The following PRDM15 variants were observed in gnomAD, a reference collection of about 807,000 sequenced individuals.
PRDM15 encodes PR domain zinc finger protein 15.
A neutral mutation model predicts 128.6 loss-of-function variants in PRDM15; 64 were observed. The observed-to-expected ratio is 0.50, with a 90% CI of 0.41 to 0.61. PRDM15 has a LOEUF of 0.61. Ranked by LOEUF, PRDM15 falls within the 20% of genes least tolerant of loss-of-function variation. The probability of loss-of-function intolerance (pLI) is 0.00; values close to 1 mark genes in which losing one functional copy is unlikely to be tolerated. For missense variants in PRDM15, 1,242 were observed against 1,569.1 expected, an observed-to-expected ratio of 0.79 and a Z score of 3.52; for synonymous variants, 615 against 621.8, an observed-to-expected ratio of 0.99 and a Z score of 0.16.
At chr21:41,867,610 G>A (rs550319345) in intron 1 of PRDM15, among the ~76,000 whole-genome samples, 5 of 152,288 alleles carry the variant, frequency 3.3e-5, no homozygotes, top group African/African-American at 4.8e-5. Context: ...TTGAAAAACC[G>A]TTTTGAGGAT....
At position 41,828,429 on chromosome 21, in the gene PRDM15, G is replaced by A; in HGVS notation, c.1367-96C>T. On this transcript the variant is annotated intron_variant, in intron 11 of 23. Coordinates refer to ENST00000398548, the MANE Select transcript of PRDM15 (RefSeq NM_001040424.3). This position sits in a 1 kb window ranked among gnomAD's most constrained non-coding sequence, Gnocchi z 5.7. ...GCCTGAACGTCAATAAAGCGCGGGT[G>A]ACGGGCATGAGAGTCACGGGGATGC... 1.5e-6 allele frequency: 2 copies of A among 1,309,878 alleles called. No individual in the cohort carries two copies. The highest frequency in any genetic ancestry group is 2.2e-6 in the Non-Finnish European group (2 of 920,966). The allele number at this position is 1,309,878 out of a possible 1,614,324, so 81.1% of individuals were successfully genotyped here.
rs1479809630 is a variant in PRDM15 at position 41,799,512 on chromosome 21, G to T, written c.*1728C>A. ...TGAGAGCTAGGCGCGAGTGATGGTG[G>T]GTAAGGTGAGGAGGTGAGCCCCACA... On this transcript the variant is annotated 3_prime_UTR_variant, in exon 24 of 24. Coordinates refer to ENST00000398548, the MANE Select transcript of PRDM15 (RefSeq NM_001040424.3). 6.6e-6 allele frequency: 1 copy of T among 152,194 alleles called. No homozygotes were observed. Among genetic ancestry groups the T allele is most frequent in the Admixed American group, 6.5e-5 (1 of 15,278 alleles). The allele number at this position is 152,194 out of a possible 1,614,324, so 9.4% of individuals were successfully genotyped here. A position where few individuals can be genotyped will look rare whatever the true frequency, so the allele number is the denominator to read the frequency against.
intron 3 of PRDM15, among the ~76,000 whole-genome samples, chr21:41,858,748 C>G (rs564139169): frequency 6.6e-6 from 1 of 151,200 alleles, no homozygotes; most frequent in East Asian, 2.0e-4. Flanking sequence ...CCTGAGGGTT[C>G]TGGGGAAGAG....
At chr21:41,841,711 T>C (rs79421950) in intron 6 of PRDM15, among the ~76,000 whole-genome samples, 2,330 of 152,350 alleles carry the variant, frequency 0.015, 63 homozygotes, top group East Asian at 0.13. Flanking sequence ...TATACTCTAC[T>C]TGTTAGATGC....
chr21:41,819,471 CGCCACA>C, intron 18 of PRDM15, 105 bp downstream of exon 18: 1 of 694,350 alleles, frequency 1.4e-6, no homozygotes, highest in Non-Finnish European at 2.2e-6. Context: ...CCCCCGCCCC[CGCCACA>C]CCCACCTTCC....
At chr21:41,822,106 AG>A in intron 14 of PRDM15, 69 bp from the exon 15 acceptor site, 1 of 1,595,432 alleles carries the variant, frequency 6.3e-7, no homozygotes, top group African/African-American at 1.3e-5. Context: ...TCTACACCGC[AG>A]GGACGACCAA....
chr21:41,836,518 C>A lies in PRDM15; in HGVS notation c.1133G>T (p.Ser378Ile). ...HKRVYQCNIC[S>I]KIFQNSSNLS... ...GTTGCTGCTGTTCTGGAAGATCTTG[C>A]TGCAGATATTGCACTGGTAAACCCG... The change falls in exon 9 of 24, where the codon AGC becomes ATC. Residue 378 changes from serine (S) to isoleucine (I), a missense_variant. Ser to Ile is a moderately radical substitution (Grantham distance 142). Around this residue, in one of 3 missense-constraint regions of PRDM15, gnomAD observed 612 missense variants for 717.0 expected, o/e 0.85. Coordinates refer to ENST00000398548, the MANE Select transcript of PRDM15 (RefSeq NM_001040424.3). 1.2e-6 allele frequency: 2 copies of A among 1,612,568 alleles called. No individual in the cohort carries two copies. Among genetic ancestry groups the A allele is most frequent in the Non-Finnish European group, 1.7e-6 (2 of 1,179,936 alleles).
Position 41,867,930 on chromosome 21 carries a change from G to A in PRDM15, c.-9-7558C>T, listed in dbSNP as rs566523834. 1.6e-3 allele frequency among the ~76,000 whole-genome samples: 239 copies of A among 151,966 alleles called. 3 individuals carry two copies. Among genetic ancestry groups the A allele is most frequent in the African/African-American group, 5.5e-3 (226 of 41,428 alleles). ...AAATTAGCCAGGTGTGGTGGTGGGC[G>A]CCTGTAATCCCAGCTACTTGGGAGG... On this transcript the variant is annotated intron_variant, in intron 1 of 23. Transcript: ENST00000398548.
chr21:41,828,062 A>G lies in PRDM15; in HGVS notation c.1534+104T>C, dbSNP rs28655031. The G allele has an allele frequency of 0.77, 930,277 of 1,212,684 alleles. 358,656 individuals carry two copies. Among genetic ancestry groups the G allele is most frequent in the Non-Finnish European group, 0.79 (663,902 of 845,050 alleles). The allele number at this position is 1,212,684 out of a possible 1,614,324, so 75.1% of individuals were successfully genotyped here. ...GTTTCCAGGCAAAGGAGCAGGCGGC[A>G]CCGAACTGCTCCCCAAAGGCCCTGC... is the stretch of plus-strand genomic sequence containing the variant. On this transcript the variant is annotated intron_variant, in intron 12 of 23. Coordinates refer to ENST00000398548, the MANE Select transcript of PRDM15 (RefSeq NM_001040424.3). This position sits in a 1 kb window ranked among gnomAD's most constrained non-coding sequence, Gnocchi z 5.7.
intron 1 of PRDM15, among the ~76,000 whole-genome samples, chr21:41,864,980 TC>T (rs1468012307): frequency 1.4e-5 from 2 of 143,510 alleles, no homozygotes; most frequent in Non-Finnish European, 3.0e-5. Flanking sequence ...GCTGGCCCTC[TC>T]CCCAGCCCTC....
chr21:41,873,981 G>A (rs1475137369), intron 1 of PRDM15, among the ~76,000 whole-genome samples: 1 of 151,742 alleles, frequency 6.6e-6, no homozygotes, highest in African/African-American at 2.4e-5. Context: ...AGGAGGTAGA[G>A]GCTGCAGTGA....
At chr21:41,861,087 C>T (rs2063794274) in intron 1 of PRDM15, among the ~76,000 whole-genome samples, 1 of 152,230 alleles carries the variant, frequency 6.6e-6, no homozygotes, top group African/African-American at 2.4e-5. Context: ...CCTCCTACCT[C>T]AGCCTCCCAA....
intron 7 of PRDM15, 79 bp downstream of exon 7, chr21:41,839,544 G>T: frequency 5.0e-5 from 55 of 1,091,342 alleles, no homozygotes; most frequent in Non-Finnish European, 5.8e-5. Context: ...CCCGCCCTCT[G>T]CCCCCTGCCC....
At chr21:41,874,521 A>AT (rs1336105383) in intron 1 of PRDM15, among the ~76,000 whole-genome samples, 48 of 47,954 alleles carry the variant, frequency 1.0e-3, no homozygotes, top group Admixed American at 2.1e-3. Context: ...ATATATATAT[A>AT]TATATTTTTT....
chr21:41,835,580 C>G, intron 10 of PRDM15, 56 bp from the exon 11 acceptor site: 6 of 1,477,524 alleles, frequency 4.1e-6, no homozygotes, highest in Non-Finnish European at 5.6e-6. Flanking sequence ...CCACAGATGC[C>G]GAGCCCCCGA....
intron 23 of PRDM15, 43 bp downstream of exon 23, chr21:41,802,669 A>G: frequency 1.3e-6 from 2 of 1,536,648 alleles, no homozygotes; most frequent in Non-Finnish European, 1.8e-6. Flanking sequence ...ATGCTTAGGG[A>G]AAGTGACCGG....
At position 41,854,929 on chromosome 21, in the gene PRDM15, G is replaced by C. The variant is rs572240164; in HGVS notation, c.286-111C>G. The C allele has an allele frequency of 4.2e-6, 5 of 1,195,640 alleles. No individual in the cohort carries two copies. The African/African-American group carries it at 7.6e-5, about 18-fold the overall frequency. 74.1% of individuals were successfully genotyped at this position (1,195,640 alleles called of 1,614,324 possible). A position where few individuals can be genotyped will look rare whatever the true frequency, so the allele number is the denominator to read the frequency against. ...AACCCATCTAGACAGTGCCACGTCA[G>C]AGGCCATAAGGGCTCCTGTACGGGA... On this transcript the variant is annotated intron_variant, in intron 4 of 23. Coordinates refer to ENST00000398548, the MANE Select transcript of PRDM15 (RefSeq NM_001040424.3). The surrounding 1 kb of genome is among the most constrained non-coding windows in gnomAD (Gnocchi z 4.6).
chr21:41,819,720 GC>G lies in PRDM15; in HGVS notation c.2141-20del. 1.3e-6 allele frequency: 2 copies of G among 1,585,174 alleles called. No homozygotes were observed. The highest frequency in any genetic ancestry group is 8.5e-7 in the Non-Finnish European group (1 of 1,170,904). ...TTCACACCTGAGAACACAGGCATCT[GC>G]CACTCAGAGCCGAGCAGCTCCGACC... On this transcript the variant is annotated intron_variant, in intron 17 of 23. Coordinates refer to ENST00000398548, the MANE Select transcript of PRDM15 (RefSeq NM_001040424.3).
rs954107027 is a variant in PRDM15 at position 41,862,174 on chromosome 21, C to T, written c.-9-1802G>A. On this transcript the variant is annotated intron_variant, in intron 1 of 23. Transcript: ENST00000398548. The surrounding 1 kb of genome is among the most constrained non-coding windows in gnomAD (Gnocchi z 4.1). Reference sequence around the variant, plus strand: ...TGTGCTACTGGAGGTGTAGGACCTGCGTGCCCCCTGCAGGAACCCACGTGA... The same window carrying T: ...TGTGCTACTGGAGGTGTAGGACCTGTGTGCCCCCTGCAGGAACCCACGTGA... Among the ~76,000 whole-genome samples the T allele has an allele frequency of 5.9e-5, 9 of 152,178 alleles. No homozygotes were observed. Among genetic ancestry groups the T allele is most frequent in the African/African-American group, 9.7e-5 (4 of 41,442 alleles).
Sources: gnomAD v4.1 joint callset for allele counts (sites outside exome capture counted in the v4.1 genomes callset) on GRCh38, gnomAD v4.1.1 for gene constraint, gnomAD v4.1.1 regional missense constraint, Gnocchi (gnomAD v3.1) non-coding constraint, MANE v1.5 for transcripts, NCBI Gene and HGNC (gene_info 2026-07-23, HGNC 2026-07-21) for gene names.